Variants in NELL1 observed in about 807,000 individuals in gnomAD.
NELL1 encodes neural EGFL like 1.
NELL1 carries 76 observed loss-of-function variants against 107.4 expected under a neutral mutation model. The observed-to-expected ratio is 0.71, with a 90% confidence interval of 0.59 to 0.86. The LOEUF (loss-of-function observed/expected upper bound fraction) is 0.86. NELL1 is among the 40% of genes least tolerant of loss of function. The probability of loss-of-function intolerance (pLI) is 0.00; values close to 1 mark genes in which losing one functional copy is unlikely to be tolerated. For missense variants in NELL1, 1,024 were observed against 1,005.5 expected (o/e 1.02, Z -0.25); for synonymous variants, 353 against 341.2 (o/e 1.03, Z -0.38).
intron 13 of NELL1, among the ~76,000 whole-genome samples, chr11:21,174,848 T>A (rs1856679904): frequency 6.6e-6 from 1 of 151,764 alleles, no homozygotes; most frequent in Non-Finnish European, 1.5e-5. Context: ...TCATTCCCTC[T>A]CCATAACTGA....
intron 12 of NELL1, among the ~76,000 whole-genome samples, chr11:21,097,937 A>G (rs990137906): frequency 2.6e-5 from 4 of 152,112 alleles, no homozygotes; most frequent in Non-Finnish European, 5.9e-5. Context: ...TTTTTTAAGA[A>G]AGAAAGAAAA....
intron 15 of NELL1, among the ~76,000 whole-genome samples, chr11:21,414,128 A>G (rs1305647102): frequency 1.3e-5 from 2 of 152,052 alleles, no homozygotes; most frequent in South Asian, 2.1e-4. Context: ...TTACATGTCT[A>G]ATGAGCTTGA....
intron 3 of NELL1, among the ~76,000 whole-genome samples, chr11:20,804,669 T>C (rs2134006079): frequency 6.6e-6 from 1 of 152,350 alleles, no homozygotes; most frequent in African/African-American, 2.4e-5. Flanking sequence ...TTCAGCTTTT[T>C]TGAATGTTTT....
intron 16 of NELL1, among the ~76,000 whole-genome samples, chr11:21,545,775 A>G (rs752623688): frequency 1.3e-5 from 2 of 151,972 alleles, no homozygotes; most frequent in Admixed American, 6.6e-5. Context: ...CTGTGAACTC[A>G]GTGCCCCTTG....
chr11:21,375,160 T>C (rs1851445624), intron 15 of NELL1, among the ~76,000 whole-genome samples: 1 of 152,044 alleles, frequency 6.6e-6, no homozygotes. Context: ...GTCACTTAGG[T>C]ACTGAGAACA....
At chr11:20,699,384 G>T (rs1315428813) in intron 2 of NELL1, among the ~76,000 whole-genome samples, 3 of 150,312 alleles carry the variant, frequency 2.0e-5, no homozygotes, top group Admixed American at 6.6e-5. Context: ...TTTTTGAGAT[G>T]GAGTCTCGCT....
chr11:20,689,555 G>C (rs1305484984), intron 2 of NELL1, among the ~76,000 whole-genome samples: 3 of 148,792 alleles, frequency 2.0e-5, no homozygotes, highest in African/African-American at 7.5e-5. Flanking sequence ...TTGTCCTTGC[G>C]ATAGTTTACT....
At chr11:21,294,227 C>T (rs1297879652) in intron 14 of NELL1, among the ~76,000 whole-genome samples, 2 of 152,120 alleles carry the variant, frequency 1.3e-5, no homozygotes, top group African/African-American at 4.8e-5. Flanking sequence ...CCACTTCTGT[C>T]CCCATAGTGT....
At chr11:20,787,846 G>T (rs948086712) in intron 3 of NELL1, among the ~76,000 whole-genome samples, 3 of 152,080 alleles carry the variant, frequency 2.0e-5, no homozygotes, top group Non-Finnish European at 4.4e-5. Context: ...ATACCTTTTA[G>T]CTGTCACCCA....
chr11:21,293,831 C>G (rs1849321491), intron 14 of NELL1, among the ~76,000 whole-genome samples: 1 of 152,054 alleles, frequency 6.6e-6, no homozygotes, highest in African/African-American at 2.4e-5. Flanking sequence ...AACACAAGAA[C>G]AGAAAACCAA....
intron 15 of NELL1, among the ~76,000 whole-genome samples, chr11:21,475,980 C>T (rs892504538): frequency 6.6e-6 from 1 of 152,078 alleles, no homozygotes; most frequent in Non-Finnish European, 1.5e-5. Flanking sequence ...GAAATTTATT[C>T]AAATGATACC....
chr11:21,056,564 G>A (rs1199579593), intron 12 of NELL1, among the ~76,000 whole-genome samples: 1 of 152,106 alleles, frequency 6.6e-6, no homozygotes, highest in Non-Finnish European at 1.5e-5. Context: ...TTATAATACA[G>A]TCTTCTGGAA....
chr11:21,451,195 A>G (rs559986790), intron 15 of NELL1, among the ~76,000 whole-genome samples: 2,978 of 140,116 alleles, frequency 0.021, 91 homozygotes, highest in African/African-American at 0.079. Flanking sequence ...TAAAAAAAAA[A>G]AAAAAAAGAA....
intron 15 of NELL1, among the ~76,000 whole-genome samples, chr11:21,411,937 T>C (rs1000811175): frequency 6.6e-6 from 1 of 152,074 alleles, no homozygotes; most frequent in Non-Finnish European, 1.5e-5. Context: ...TGGAGGTTTG[T>C]ACTGATGACC....
intron 3 of NELL1, among the ~76,000 whole-genome samples, chr11:20,818,406 CTTTTTTTTTTT>C (rs57318040): frequency 9.2e-6 from 1 of 108,728 alleles, no homozygotes. Flanking sequence ...GCAACCCCTG[CTTTTTTTTTTT>C]TTTTTTTTTT....
chr11:20,708,923 T>C (rs1292318958), intron 2 of NELL1, among the ~76,000 whole-genome samples: 1 of 145,058 alleles, frequency 6.9e-6, no homozygotes, highest in Non-Finnish European at 1.5e-5. Context: ...TCACCTCAGA[T>C]CATCAGGCAT....
At chr11:21,253,141 C>T (rs1372820281) in intron 14 of NELL1, among the ~76,000 whole-genome samples, 1 of 152,070 alleles carries the variant, frequency 6.6e-6, no homozygotes, top group East Asian at 1.9e-4. Flanking sequence ...GGGATCATCT[C>T]TCCTATTTAA....
At chr11:21,063,739 G>A (rs77058821) in intron 12 of NELL1, among the ~76,000 whole-genome samples, 106 of 152,246 alleles carry the variant, frequency 7.0e-4, no homozygotes, top group African/African-American at 1.7e-3. Flanking sequence ...TTATTGTGCC[G>A]CATTTTTCTA....
chr11:20,692,120 C>T (rs529042970), intron 2 of NELL1, among the ~76,000 whole-genome samples: 279 of 151,808 alleles, frequency 1.8e-3, no homozygotes, highest in African/African-American at 5.5e-3. Flanking sequence ...TCTGTGGGAT[C>T]GGTGGTGATA....
Sources: gnomAD v4.1 joint callset for allele counts (sites outside exome capture counted in the v4.1 genomes callset) on GRCh38, gnomAD v4.1.1 for gene constraint, MANE v1.5 for transcripts, NCBI Gene and HGNC (gene_info 2026-07-23, HGNC 2026-07-21) for gene names.